The following PRPF39 variants were observed in gnomAD, a reference collection of about 807,000 sequenced individuals.
PRPF39 encodes pre-mRNA processing factor 39.
A neutral mutation model predicts 82.1 loss-of-function variants in PRPF39; 27 were observed. That is an observed-to-expected ratio of 0.33 (90% CI 0.24 to 0.45). The LOEUF (loss-of-function observed/expected upper bound fraction) is 0.45. Ranked by LOEUF, PRPF39 falls within the 20% of genes least tolerant of loss-of-function variation. PRPF39 has a pLI of 1.00. For synonymous variants in PRPF39, 261 were observed against 256.4 expected (o/e 1.02, Z -0.17); for missense variants, 581 against 796.9 (o/e 0.73, Z 3.26).
At chr14:45,097,960 GCTTT>G (rs1188593158) in intron 4 of PRPF39, among the ~76,000 whole-genome samples, 1 of 152,056 alleles carries the variant, frequency 6.6e-6, no homozygotes, top group Non-Finnish European at 1.5e-5. Context: ...GATCTATGTT[GCTTT>G]CTTTCTTTCT....
At chr14:45,088,845 T>G (rs1594722493) in intron 1 of PRPF39, among the ~76,000 whole-genome samples, 1 of 152,244 alleles carries the variant, frequency 6.6e-6, no homozygotes, top group East Asian at 1.9e-4. Context: ...ATTATTACAT[T>G]AAAGTGTCAT....
chr14:45,107,032 A>G (rs1884554703), intron 5 of PRPF39, among the ~76,000 whole-genome samples: 1 of 152,346 alleles, frequency 6.6e-6, no homozygotes, highest in South Asian at 2.1e-4. Flanking sequence ...TATGGATTAC[A>G]GTATTTAATT....
At chr14:45,107,685 T>C in intron 6 of PRPF39, 69 bp downstream of exon 6, 1 of 1,455,418 alleles carries the variant, frequency 6.9e-7, no homozygotes, top group Non-Finnish European at 9.3e-7. Flanking sequence ...TCGCAGCACT[T>C]TGGGAGGCCA....
intron 4 of PRPF39, among the ~76,000 whole-genome samples, chr14:45,097,592 A>G (rs927953195): frequency 6.6e-6 from 1 of 152,210 alleles, no homozygotes; most frequent in Non-Finnish European, 1.5e-5. Flanking sequence ...GTGTATGAAA[A>G]TAATCATTTT....
At chr14:45,105,474 G>A (rs1238993329) in intron 5 of PRPF39, among the ~76,000 whole-genome samples, 1 of 148,206 alleles carries the variant, frequency 6.7e-6, no homozygotes, top group Non-Finnish European at 1.5e-5. Context: ...GTTAGCCTCT[G>A]TATCCATTGA....
chr14:45,091,845 G>A (rs1884038833), intron 1 of PRPF39, among the ~76,000 whole-genome samples: 1 of 152,176 alleles, frequency 6.6e-6, no homozygotes, highest in South Asian at 2.1e-4. Context: ...GACTTAATTG[G>A]TTAGGAATTC....
chr14:45,092,253 T>G (rs535388928), intron 1 of PRPF39, among the ~76,000 whole-genome samples: 2 of 152,316 alleles, frequency 1.3e-5, no homozygotes, highest in East Asian at 3.9e-4. Context: ...GAAGGGATAT[T>G]GGGTAGGCAA....
At chr14:45,107,732 C>A in intron 6 of PRPF39, 116 bp downstream of exon 6, 5 of 995,732 alleles carry the variant, frequency 5.0e-6, no homozygotes, top group Non-Finnish European at 5.8e-6. Context: ...AGTTTGAGAC[C>A]CATGTAGGCA....
chr14:45,101,481 C>A (rs1884371863), intron 4 of PRPF39, among the ~76,000 whole-genome samples: 1 of 151,166 alleles, frequency 6.6e-6, no homozygotes, highest in South Asian at 2.1e-4. Flanking sequence ...TCTTTGGAGA[C>A]AGAGTCTTGC....
At chr14:45,086,564 GA>G (rs1329269936) in intron 1 of PRPF39, among the ~76,000 whole-genome samples, 1 of 151,938 alleles carries the variant, frequency 6.6e-6, no homozygotes, top group Admixed American at 6.6e-5. Context: ...GCTCAGAAAG[GA>G]AAAATCTAAG....
intron 4 of PRPF39, among the ~76,000 whole-genome samples, chr14:45,098,426 G>A (rs1884266516): frequency 1.4e-5 from 2 of 147,220 alleles, no homozygotes; most frequent in Non-Finnish European, 3.0e-5. Context: ...CAGCCTGGAT[G>A]ACAGAGCAAG....
chr14:45,111,108 C>T (rs984579977), intron 10 of PRPF39: 5 of 339,428 alleles, frequency 1.5e-5, no homozygotes, highest in Non-Finnish European at 2.7e-5. Context: ...CTAAGTAGAA[C>T]AGAGGACTTG....
chr14:45,092,714 T>C (rs1453695556), intron 1 of PRPF39, among the ~76,000 whole-genome samples: 1 of 152,102 alleles, frequency 6.6e-6, no homozygotes, highest in Admixed American at 6.6e-5. Flanking sequence ...TCTGTTTTTC[T>C]GAATTATTTA....
At position 45,109,664 on chromosome 14, in the gene PRPF39, A is replaced by C; in HGVS notation, c.1060A>C (p.Lys354Gln). Residue 354 changes from lysine to glutamine, a missense_variant, in exon 8 of 14, where the codon AAA becomes CAA. By Grantham distance (53) the Lys-to-Gln change is moderately conservative (BLOSUM62 1). Transcript: ENST00000355765. ...GAAACCTTTGGAAAAGGCACAACTAAAAAACTGGAAAGAATACTTAGAATT... is the reference window on the plus strand; with the variant it reads ...GAAACCTTTGGAAAAGGCACAACTACAAAACTGGAAAGAATACTTAGAATT... ...HVKPLEKAQL[K>Q]NWKEYLEFEI... The C allele has an allele frequency of 6.2e-7, 1 of 1,608,052 alleles. No individual in the cohort carries two copies. Among genetic ancestry groups the C allele is most frequent in the Non-Finnish European group, 8.5e-7 (1 of 1,176,658 alleles).
At chr14:45,106,742 T>A (rs1482977855) in intron 5 of PRPF39, among the ~76,000 whole-genome samples, 1 of 152,140 alleles carries the variant, frequency 6.6e-6, no homozygotes, top group Non-Finnish European at 1.5e-5. Context: ...TATGTATTAA[T>A]AAAAATAGAT....
Position 45,096,130 on chromosome 14 carries a change from T to G in PRPF39, c.352T>G (p.Phe118Val). 6.3e-7 allele frequency: 1 copy of G among 1,579,690 alleles called. No individual in the cohort carries two copies. Among genetic ancestry groups the G allele is most frequent in the Non-Finnish European group, 8.6e-7 (1 of 1,161,494 alleles). ...TCACTTGATGGCTGCCAGGAAGGCATTTGACAGATTTTTCATACACTATCC... is the reference window on the plus strand; with the variant it reads ...TCACTTGATGGCTGCCAGGAAGGCAGTTGACAGATTTTTCATACACTATCC... Reference protein sequence around the residue: ...ENHLMAARKAFDRFFIHYPYC... With the variant: ...ENHLMAARKAVDRFFIHYPYC... The change falls in exon 3 of 14, where the codon TTT (phenylalanine) becomes GTT (valine). Residue 118 changes from phenylalanine (F) to valine (V), a missense_variant. Transcript: ENST00000355765.
intron 1 of PRPF39, among the ~76,000 whole-genome samples, chr14:45,089,299 T>G (rs1566689527): frequency 6.6e-6 from 1 of 152,206 alleles, no homozygotes; most frequent in Non-Finnish European, 1.5e-5. Context: ...GGGTCCAACT[T>G]CATTCTTTTG....
intron 7 of PRPF39, among the ~76,000 whole-genome samples, chr14:45,108,854 G>A (rs1293754221): frequency 6.6e-6 from 1 of 152,098 alleles, no homozygotes; most frequent in Non-Finnish European, 1.5e-5. Context: ...ATAGTAAAAT[G>A]AGGTAATTTC....
intron 4 of PRPF39, among the ~76,000 whole-genome samples, chr14:45,098,408 C>G (rs957381918): frequency 2.0e-5 from 3 of 150,166 alleles, no homozygotes; most frequent in African/African-American, 7.4e-5. Context: ...GATCGTGCCA[C>G]TGCACTCCAG....
Sources: allele counts gnomAD v4.1 joint callset (sites outside exome capture counted in the v4.1 genomes callset), GRCh38; gene constraint gnomAD v4.1.1; transcripts MANE v1.5; gene names NCBI Gene and HGNC (gene_info 2026-07-23, HGNC 2026-07-21).